The following DNAH17 variants were observed in gnomAD, a reference collection of about 807,000 sequenced individuals.
The protein encoded by DNAH17 is dynein axonemal heavy chain 17, also known as axonemal beta dynein heavy chain 17.
In DNAH17, 376 loss-of-function variants were observed where a neutral mutation model predicts 485.6. The observed-to-expected ratio is 0.77, with a 90% CI of 0.71 to 0.84. The LOEUF (loss-of-function observed/expected upper bound fraction) is 0.84, where lower values mean the gene tolerates loss of function less well. Among genes scored for constraint, DNAH17 ranks in the 40% least tolerant of loss-of-function variants. The pLI is 0.00. For missense variants in DNAH17, 6,370 were observed against 5,839.3 expected, an observed-to-expected ratio of 1.09 and a Z score of -2.96; for synonymous variants, 3,031 against 2,405.9, an observed-to-expected ratio of 1.26 and a Z score of -7.60.
chr17:78,554,473 G>GAAAAAAAAAAAAAA (rs1568246690), intron 14 of DNAH17, among the ~76,000 whole-genome samples: 1 of 124,752 alleles, frequency 8.0e-6, no homozygotes, highest in Non-Finnish European at 1.6e-5. Flanking sequence ...AAAAAAAAAG[G>GAAAAAAAAAAAAAA]ATAGGTTCTA....
At chr17:78,484,770 C>T (rs1231696187) in intron 48 of DNAH17, 98 bp downstream of exon 48, 1 of 1,224,024 alleles carries the variant, frequency 8.2e-7, no homozygotes, top group Non-Finnish European at 1.1e-6. Flanking sequence ...CAGTCCTGCC[C>T]TACTGCCCTG....
intron 14 of DNAH17, among the ~76,000 whole-genome samples, chr17:78,553,330 C>G (rs1423422721): frequency 3.0e-5 from 3 of 98,654 alleles, no homozygotes; most frequent in Admixed American, 1.4e-4. Context: ...AAGATGGAGT[C>G]TCACTCTGTC....
In DNAH17 at chr17:78,499,049, T is replaced by C; in HGVS notation, c.5704A>G (p.Asn1902Asp). The C allele has an allele frequency of 6.2e-7, 1 of 1,610,872 alleles. No homozygotes were observed. Among genetic ancestry groups the C allele is most frequent in the Non-Finnish European group, 8.5e-7 (1 of 1,178,492 alleles). ...GACAAGACTTCCACTGAGATGCGAT[T>C]AAACTCGTCAAAGCAGCCCCAGGCT... The part of the protein sequence containing the change: ...TGAWGCFDEF[N>D]RISVEVLSVI... Residue 1902 changes from asparagine (N) to aspartate (D), a missense_variant, in exon 37 of 81, where the codon AAT becomes GAT. Physicochemically the swap from Asn to Asp is conservative, Grantham distance 23 (BLOSUM62 1). Transcript: ENST00000389840.
intron 62 of DNAH17, among the ~76,000 whole-genome samples, chr17:78,457,275 G>A (rs2087849032): frequency 6.6e-6 from 1 of 152,138 alleles, no homozygotes; most frequent in Non-Finnish European, 1.5e-5. Flanking sequence ...GGAGACTGAG[G>A]CAGAAGAACT....
At position 78,574,726 on chromosome 17, in the gene DNAH17, G is replaced by A. The variant is rs374789982; in HGVS notation, c.332C>T (p.Ala111Val). 9.2e-5 allele frequency: 148 copies of A among 1,605,090 alleles called. No homozygotes were observed. The highest frequency in any genetic ancestry group is 1.1e-4 in the Non-Finnish European group (133 of 1,173,934). ...GGACGCACTCACCTCCTCCACCACC[G>A]CGATCAGCTGGTCCACGGGTGTGGG... ...ISPTPVDQLI[A>V]VVEEVLSSLL... The change falls in exon 2 of 81, where the codon GCG becomes GTG. Residue 111 changes from alanine (A) to valine (V), a missense_variant. Coordinates refer to ENST00000389840, the MANE Select transcript of DNAH17 (RefSeq NM_173628.4).
chr17:78,506,685 G>T, intron 30 of DNAH17, 35 bp downstream of exon 30: 3 of 1,613,248 alleles, frequency 1.9e-6, no homozygotes, highest in Non-Finnish European at 2.5e-6. Flanking sequence ...GCATGATGTT[G>T]GCTTAAACAC....
At position 78,462,890 on chromosome 17, in the gene DNAH17, T is replaced by A; in HGVS notation, c.9128A>T (p.Glu3043Val). 1 of 1,614,004 alleles carries A rather than the reference T, an allele frequency of 6.2e-7. No homozygotes were observed. The highest frequency in any genetic ancestry group is 8.5e-7 in the Non-Finnish European group (1 of 1,179,888). Residue 3043 changes from glutamate to valine, a missense_variant, in exon 57 of 81, where the codon GAG becomes GTG. Coordinates refer to ENST00000389840, the MANE Select transcript of DNAH17 (RefSeq NM_173628.4). ...CTTCATCAGGCCGTTCTCCAGCCTC[T>A]CGATTTTGGCAACAAGTTCCGTTCT... ...KKRTELVAKI[E>V]RLENGLMKLQ... is the part of the protein sequence containing the mutation.
At position 78,572,805 on chromosome 17, in the gene DNAH17, C is replaced by T. The variant is rs2011148048; in HGVS notation, c.435G>A (p.Leu145=). The T allele has an allele frequency of 6.2e-7, 1 of 1,613,826 alleles. No homozygotes were observed. Among genetic ancestry groups the T allele is most frequent in the African/African-American group, 1.3e-5 (1 of 74,938 alleles). Residue 145 remains leucine, a synonymous_variant, in exon 3 of 81, where the codon CTG becomes CTA. Coordinates refer to ENST00000389840, the MANE Select transcript of DNAH17 (RefSeq NM_173628.4). ...SEDIVKQVHR[L]KNEMFVMSGK... Reference sequence around the variant, plus strand: ...CACTCATCACAAACATTTCATTCTTCAGCCTGTGGACCTGCTTCACGATGT... The same window carrying T: ...CACTCATCACAAACATTTCATTCTTTAGCCTGTGGACCTGCTTCACGATGT...
At position 78,574,711 on chromosome 17, in the gene DNAH17, ACCT is replaced by A; in HGVS notation, c.344_345+1del. 6.3e-7 allele frequency: 1 copy of A among 1,594,796 alleles called. No individual in the cohort carries two copies. Among genetic ancestry groups the A allele is most frequent in the East Asian group, 2.2e-5 (1 of 44,534 alleles). On this transcript the variant is annotated splice_donor_variant and coding_sequence_variant, in exon 2 of 81. Coordinates refer to ENST00000389840, the MANE Select transcript of DNAH17 (RefSeq NM_173628.4). LOFTEE classifies it high-confidence loss of function. The stretch of plus-strand genomic sequence containing the variant: ...CCCGGATGGCAGCCTGGACGCACTC[ACCT>A]CCTCCACCACCGCGATCAGCTGGTC...
chr17:78,428,419 A>T (rs1332784049), intron 77 of DNAH17, 106 bp downstream of exon 77: 1 of 1,353,756 alleles, frequency 7.4e-7, no homozygotes, highest in East Asian at 2.5e-5. Context: ...GGCAGAGTGT[A>T]CCTCACCAGC....
intron 14 of DNAH17, among the ~76,000 whole-genome samples, chr17:78,555,630 G>C (rs2092005425): frequency 6.6e-6 from 1 of 151,456 alleles, no homozygotes; most frequent in Non-Finnish European, 1.5e-5. Flanking sequence ...GGAGTGATGT[G>C]CTTCGAACAT....
intron 33 of DNAH17, 137 bp downstream of exon 33, chr17:78,502,454 G>T: frequency 1.3e-6 from 1 of 788,700 alleles, no homozygotes; most frequent in South Asian, 1.9e-5. Flanking sequence ...TGGAAACGAC[G>T]GTTTTGCGGG....
At chr17:78,536,286 A>AT (rs1491493361) in intron 19 of DNAH17, among the ~76,000 whole-genome samples, 40 of 140,670 alleles carry the variant, frequency 2.8e-4, no homozygotes, top group East Asian at 4.0e-4. Flanking sequence ...AAAAATATAT[A>AT]AAAAAAAAGA....
At chr17:78,510,747 T>G in intron 26 of DNAH17, 1 of 327,340 alleles carries the variant, frequency 3.1e-6, no homozygotes. Context: ...TGGGCGGAAT[T>G]GCGGCCCCCC....
At chr17:78,479,181 C>G in intron 50 of DNAH17, 65 bp from the exon 51 acceptor site, 2 of 1,525,162 alleles carry the variant, frequency 1.3e-6, no homozygotes, top group East Asian at 2.3e-5. Flanking sequence ...GTGCAAGCCT[C>G]AAGTTTCTAA....
In DNAH17 at chr17:78,551,652, G is replaced by A. The variant is rs751697243; in HGVS notation, c.2288-14C>T. ...ACTGAAACACACCTAAAATGGAAAT[G>A]TAGAGGAATCTTACAAAATGAACAA... On this transcript the variant is annotated splice_polypyrimidine_tract_variant and intron_variant, in intron 15 of 80. Transcript: ENST00000389840. 5.6e-6 allele frequency: 9 copies of A among 1,612,504 alleles called. No individual in the cohort carries two copies. The highest frequency in any genetic ancestry group is 5.5e-5 in the South Asian group (5 of 91,030).
chr17:78,539,778 G>A lies in DNAH17; in HGVS notation c.2635C>T (p.Arg879Cys), dbSNP rs376849780. ...TCCATTAGGAAACTCAGAGATTTGC[G>A]AATGAACTGGTCAAATTCATCTAAG... Reference protein sequence around the residue: ...MVLDEFDQFIRKSLSFLMDNM... With the variant: ...MVLDEFDQFICKSLSFLMDNM... Residue 879 changes from arginine to cysteine, a missense_variant, in exon 18 of 81, where the codon CGC becomes TGC. Physicochemically the swap from Arg to Cys is radical, Grantham distance 180. Coordinates refer to ENST00000389840, the MANE Select transcript of DNAH17 (RefSeq NM_173628.4). 17 of 1,611,458 alleles carry A rather than the reference G, an allele frequency of 1.1e-5. No homozygotes were observed. Among genetic ancestry groups the A allele is most frequent in the East Asian group, 2.2e-5 (1 of 44,856 alleles).
intron 16 of DNAH17, among the ~76,000 whole-genome samples, chr17:78,547,046 T>C (rs1012614628): frequency 1.3e-5 from 2 of 152,280 alleles, no homozygotes; most frequent in Non-Finnish European, 2.9e-5. Flanking sequence ...ATATGGTTTC[T>C]ACCATTTATA....
Position 78,492,815 on chromosome 17 carries a change from C to T in DNAH17, c.6409-50G>A, listed in dbSNP as rs753362148. Reference sequence around the variant, plus strand: ...GTGTGACTCCATGTTCCTGGCACATCCTGCCCCACTAGCCTCAGGACCATG... The same window carrying T: ...GTGTGACTCCATGTTCCTGGCACATTCTGCCCCACTAGCCTCAGGACCATG... On this transcript the variant is annotated intron_variant, in intron 41 of 80. Coordinates refer to ENST00000389840, the MANE Select transcript of DNAH17 (RefSeq NM_173628.4). 7 of 1,581,264 alleles carry T rather than the reference C, an allele frequency of 4.4e-6. No individual in the cohort carries two copies. The Admixed American group carries it at 5.3e-5, about 12-fold the overall frequency.
Sources: gnomAD v4.1 joint callset for allele counts (sites outside exome capture counted in the v4.1 genomes callset) on GRCh38, gnomAD v4.1.1 for gene constraint, MANE v1.5 for transcripts, NCBI Gene and HGNC (gene_info 2026-07-23, HGNC 2026-07-21) for gene names.